COL4A6: variants seen among roughly 807,000 people sequenced by gnomAD.
COL4A6 encodes collagen type IV alpha 6 chain.
A neutral mutation model predicts 126.7 loss-of-function variants in COL4A6; 59 were observed. The ratio of observed to expected loss-of-function variants is 0.47; its 90% CI spans 0.38 to 0.58. COL4A6 has a LOEUF of 0.58. COL4A6 is among the 20% of genes least tolerant of loss of function. The pLI, the probability that COL4A6 is intolerant of heterozygous loss-of-function variation, is 0.00. For synonymous variants in COL4A6, 547 were observed against 496.6 expected, an observed-to-expected ratio of 1.10 and a Z score of -1.35; for missense variants, 1,285 against 1,337.3, an observed-to-expected ratio of 0.96 and a Z score of 0.61.
chrX:108,366,956 C>T (rs2040211719), intron 2 of COL4A6, among the ~76,000 whole-genome samples: 1 of 111,866 alleles, frequency 8.9e-6, no homozygotes, highest in Admixed American at 9.5e-5. Flanking sequence ...GGTTAAAATT[C>T]CATCAAAGCA....
At chrX:108,251,059 C>T (rs1213306110) in intron 3 of COL4A6, among the ~76,000 whole-genome samples, 2 of 110,947 alleles carry the variant, frequency 1.8e-5, no homozygotes, top group Non-Finnish European at 3.8e-5. Context: ...TAGCCAGAAA[C>T]GGGTCACAGG....
chrX:108,232,711 A>G (rs2036339656), intron 3 of COL4A6, among the ~76,000 whole-genome samples: 1 of 111,293 alleles, frequency 9.0e-6, no homozygotes, highest in African/African-American at 3.3e-5. Context: ...AAAGTTAATT[A>G]ATCTCTAGGC....
At chrX:108,165,507 G>A (rs750984373) in intron 37 of COL4A6, 21 bp from the exon 38 acceptor site, 5 of 1,039,918 alleles carry the variant, frequency 4.8e-6, no homozygotes, top group East Asian at 6.2e-5. Context: ...TAAATAAAAG[G>A]GGCTGGATAG....
intron 2 of COL4A6, among the ~76,000 whole-genome samples, chrX:108,329,811 G>C (rs1036450389): frequency 1.1e-4 from 12 of 110,663 alleles, no homozygotes; most frequent in African/African-American, 3.6e-4. Context: ...GTAAATGGAC[G>C]GATTAAGGTG....
intron 3 of COL4A6, among the ~76,000 whole-genome samples, chrX:108,226,068 A>G (rs1053494431): frequency 1.8e-5 from 2 of 112,592 alleles, no homozygotes; most frequent in Non-Finnish European, 3.8e-5. Context: ...TGTTAGGTAC[A>G]CTTTAAATGA....
At chrX:108,421,197 T>C (rs1403005937) in intron 2 of COL4A6, among the ~76,000 whole-genome samples, 1 of 111,931 alleles carries the variant, frequency 8.9e-6, no homozygotes, top group Non-Finnish European at 1.9e-5. Context: ...TAGCAACATC[T>C]TGAATACAGA....
At chrX:108,436,636 T>C (rs758928258) in intron 2 of COL4A6, among the ~76,000 whole-genome samples, 4 of 112,435 alleles carry the variant, frequency 3.6e-5, no homozygotes, top group Non-Finnish European at 5.6e-5. Context: ...ACTTGTATAT[T>C]GAAGGAATAA....
Position 108,169,993 on chromosome X carries a change from G to A in COL4A6, c.3517C>T (p.His1173Tyr). The change falls in exon 36 of 45, where the codon CAT (histidine) becomes TAT (tyrosine). Residue 1173 changes from histidine (H) to tyrosine (Y), a missense_variant. His to Tyr is a moderately conservative substitution (Grantham distance 83). Transcript: ENST00000334504. ...PKGFPGFPGL[H>Y]GLNGLPGTKG... ...GTGCCCGGAAGCCCATTCAGTCCAT[G>A]TAAACCAGGAAATCCAGGGAAGCCT... 1.7e-6 allele frequency: 2 copies of A among 1,190,127 alleles called. No individual in the cohort carries two copies. The highest frequency in any genetic ancestry group is 2.3e-6 in the Non-Finnish European group (2 of 883,007).
At chrX:108,421,577 T>A (rs907260587) in intron 2 of COL4A6, among the ~76,000 whole-genome samples, 1 of 111,997 alleles carries the variant, frequency 8.9e-6, no homozygotes, top group East Asian at 2.8e-4. Flanking sequence ...AATAAATGAG[T>A]GGCAGAAAAG....
At chrX:108,368,477 G>A (rs1441146132) in intron 2 of COL4A6, among the ~76,000 whole-genome samples, 2 of 110,942 alleles carry the variant, frequency 1.8e-5, no homozygotes, top group African/African-American at 6.6e-5. Context: ...GTACACTACT[G>A]TAGGCTTCAT....
At chrX:108,256,327 T>C (rs756990533) in intron 3 of COL4A6, among the ~76,000 whole-genome samples, 3 of 112,064 alleles carry the variant, frequency 2.7e-5, no homozygotes, top group Non-Finnish European at 3.8e-5. Context: ...TGGGCTTAAA[T>C]GTTTCTTACT....
intron 2 of COL4A6, among the ~76,000 whole-genome samples, chrX:108,398,461 T>C (rs1382505611): frequency 3.6e-5 from 4 of 111,430 alleles, no homozygotes; most frequent in Non-Finnish European, 7.6e-5. Flanking sequence ...TTCAAGAACA[T>C]ACAGAACTGA....
chrX:108,213,905 C>T, intron 6 of COL4A6: 1 of 387,724 alleles, frequency 2.6e-6, no homozygotes, highest in South Asian at 5.1e-5. Context: ...CAACCCTAAG[C>T]AGTGTAGCAT....
chrX:108,343,165 A>ATATAGAGT (rs1377817612), intron 2 of COL4A6, among the ~76,000 whole-genome samples: 1 of 31,414 alleles, frequency 3.2e-5, no homozygotes, highest in African/African-American at 9.1e-5. Context: ...ATATATATAT[A>ATATAGAGT]GTGTGTGTGT....
rs1235090929 is a variant in COL4A6, at chrX:108,195,081, C to A, written c.948+1G>T. ...GGCTTTAATGATATTAACCAAAATA[C>A]CTGTTGCCCTGGAGGGCCTTGGACT... On this transcript the variant is annotated splice_donor_variant, in intron 15 of 44. Transcript: ENST00000334504. LOFTEE classifies it high-confidence loss of function. The A allele has an allele frequency of 2.5e-6, 3 of 1,200,503 alleles. No individual in the cohort carries two copies. The highest frequency in any genetic ancestry group is 3.4e-6 in the Non-Finnish European group (3 of 887,640).
At chrX:108,302,089 A>C (rs2038504291) in intron 3 of COL4A6, among the ~76,000 whole-genome samples, 1 of 111,467 alleles carries the variant, frequency 9.0e-6, no homozygotes, top group Admixed American at 9.5e-5. Context: ...CAATTAGAAA[A>C]GCTTTGAGCA....
chrX:108,410,371 A>C (rs1157373277), intron 2 of COL4A6, among the ~76,000 whole-genome samples: 1 of 111,734 alleles, frequency 8.9e-6, no homozygotes, highest in African/African-American at 3.3e-5. Context: ...TCAGGCACTC[A>C]AGAGTTTTTT....
chrX:108,199,728 G>C (rs976384122), intron 13 of COL4A6, among the ~76,000 whole-genome samples: 1 of 111,425 alleles, frequency 9.0e-6, no homozygotes, highest in Non-Finnish European at 1.9e-5. Flanking sequence ...CTCTGGGTTC[G>C]GATGTGGAAG....
At chrX:108,367,314 A>T (rs1003057554) in intron 2 of COL4A6, among the ~76,000 whole-genome samples, 4 of 111,925 alleles carry the variant, frequency 3.6e-5, no homozygotes, top group African/African-American at 1.3e-4. Flanking sequence ...ATAATGTACA[A>T]AAGGTACTTT....
Sources: gnomAD v4.1 joint callset for allele counts (sites outside exome capture counted in the v4.1 genomes callset) on GRCh38, gnomAD v4.1.1 for gene constraint, MANE v1.5 for transcripts, NCBI Gene and HGNC (gene_info 2026-07-23, HGNC 2026-07-21) for gene names.